RHEB: variants seen among roughly 807,000 people sequenced by gnomAD.
RHEB encodes GTP-binding protein Rheb.
Under a neutral mutation model 28.8 loss-of-function variants are expected in RHEB, and 2 were observed. That is an observed-to-expected ratio of 0.07 (90% CI 0.03 to 0.22). The LOEUF is 0.22. RHEB is among the 10% of genes least tolerant of loss of function. The pLI is 1.00. For missense variants in RHEB, 76 were observed against 219.9 expected (o/e 0.35, Z 4.14); for synonymous variants, 69 against 77.3 (o/e 0.89, Z 0.56).
At chr7:151,503,117 A>G in intron 1 of RHEB, 1 of 813,730 alleles carries the variant, frequency 1.2e-6, no homozygotes, top group Non-Finnish European at 2.2e-6. Context: ...AGAAATTCTA[A>G]TGGTCTATGA....
At chr7:151,471,142 CTA>C (rs772282877) in intron 6 of RHEB, among the ~76,000 whole-genome samples, 1 of 152,226 alleles carries the variant, frequency 6.6e-6, no homozygotes, top group Non-Finnish European at 1.5e-5. Flanking sequence ...TAAATGAGCA[CTA>C]TGTCTTTTTA....
chr7:151,473,740 T>A (rs1337166289), intron 4 of RHEB, among the ~76,000 whole-genome samples: 1 of 151,206 alleles, frequency 6.6e-6, no homozygotes, highest in Non-Finnish European at 1.5e-5. Flanking sequence ...ACAGCCCCAT[T>A]TGTTCCCAAA....
chr7:151,499,929 C>T (rs1370213423), intron 1 of RHEB, among the ~76,000 whole-genome samples: 1 of 152,180 alleles, frequency 6.6e-6, no homozygotes, highest in Non-Finnish European at 1.5e-5. Flanking sequence ...TTGTCTCAGC[C>T]TCCCAAGTAG....
At chr7:151,502,081 CA>C (rs1802782552) in intron 1 of RHEB, 1 of 403,738 alleles carries the variant, frequency 2.5e-6, no homozygotes, top group East Asian at 5.6e-5. Flanking sequence ...ACTAAAAATA[CA>C]AAAATTAGCT....
At chr7:151,487,512 A>G (rs567168723) in intron 2 of RHEB, among the ~76,000 whole-genome samples, 2 of 150,126 alleles carry the variant, frequency 1.3e-5, no homozygotes, top group African/African-American at 5.0e-5. Context: ...GTCATTGTAC[A>G]TAGTGTATAA....
At chr7:151,497,994 G>T in intron 1 of RHEB, 1 of 593,720 alleles carries the variant, frequency 1.7e-6, no homozygotes, top group South Asian at 1.5e-5. Flanking sequence ...ACTCTTGCTG[G>T]ATGCTGCAGT....
chr7:151,515,531 A>G (rs942776002), intron 1 of RHEB, among the ~76,000 whole-genome samples: 2 of 152,232 alleles, frequency 1.3e-5, no homozygotes, highest in African/African-American at 4.8e-5. Context: ...TCAAGTTTCA[A>G]TACAAAGTGG....
intron 2 of RHEB, among the ~76,000 whole-genome samples, chr7:151,488,491 T>C (rs1028730801): frequency 3.3e-5 from 5 of 152,264 alleles, no homozygotes; most frequent in African/African-American, 1.2e-4. Flanking sequence ...AACAAGTTCA[T>C]GATAACCTTT....
intron 2 of RHEB, among the ~76,000 whole-genome samples, chr7:151,489,560 G>A (rs560042344): frequency 1.3e-5 from 2 of 152,196 alleles, no homozygotes; most frequent in East Asian, 1.9e-4. Context: ...TATTTTAAGC[G>A]AGGGGTGAGC....
intron 4 of RHEB, among the ~76,000 whole-genome samples, chr7:151,473,119 G>A (rs994217530): frequency 1.3e-5 from 2 of 152,190 alleles, no homozygotes; most frequent in African/African-American, 2.4e-5. Context: ...AGTGACGTGC[G>A]TCTAATGAAC....
intron 1 of RHEB, among the ~76,000 whole-genome samples, chr7:151,515,068 CAA>C (rs10711342): frequency 5.0e-5 from 7 of 140,386 alleles, no homozygotes; most frequent in African/African-American, 1.6e-4. Flanking sequence ...AAATAATAGC[CAA>C]AAAAAAAAAG....
chr7:151,506,570 T>C (rs571002375), intron 1 of RHEB, among the ~76,000 whole-genome samples: 1 of 152,300 alleles, frequency 6.6e-6, no homozygotes, highest in Admixed American at 6.5e-5. Context: ...ATACTATTAG[T>C]AACTGCTCTT....
At chr7:151,516,622 CAAAAAA>C (rs551863062) in intron 1 of RHEB, among the ~76,000 whole-genome samples, 1 of 91,978 alleles carries the variant, frequency 1.1e-5, no homozygotes, top group Non-Finnish European at 2.1e-5. Flanking sequence ...GACTCTGTCA[CAAAAAA>C]AAAAAAAAAA....
intron 1 of RHEB, among the ~76,000 whole-genome samples, chr7:151,507,741 A>C (rs1041317264): frequency 3.3e-5 from 5 of 152,234 alleles, no homozygotes; most frequent in African/African-American, 1.2e-4. Context: ...GACAAGGCAG[A>C]AAAAGTAAAA....
intron 4 of RHEB, among the ~76,000 whole-genome samples, chr7:151,474,173 GTGT>G (rs1300214686): frequency 1.6e-5 from 2 of 127,604 alleles, no homozygotes; most frequent in Admixed American, 8.4e-5. Flanking sequence ...CCTTTAACCA[GTGT>G]TGTTTTTTTG....
Position 151,466,221 on chromosome 7 carries a change from T to C in RHEB, c.*898A>G, listed in dbSNP as rs1215746477. The C allele has an allele frequency of 6.6e-6, 1 of 152,158 alleles. No individual in the cohort carries two copies. 9.4% of individuals were successfully genotyped at this position (152,158 alleles called of 1,614,324 possible). On this transcript the variant is annotated 3_prime_UTR_variant, in exon 8 of 8. Transcript: ENST00000262187. Reference sequence around the variant, plus strand: ...TGCTCCTTGGACAGAGGGAGGCCCGTCATCTGGGTCTGAAGGAGGCTCCCA... The same window carrying C: ...TGCTCCTTGGACAGAGGGAGGCCCGCCATCTGGGTCTGAAGGAGGCTCCCA...
At chr7:151,470,278 A>G in intron 7 of RHEB, 2 of 196,658 alleles carry the variant, frequency 1.0e-5, no homozygotes, top group Non-Finnish European at 2.1e-5. Flanking sequence ...TTTCTGTACC[A>G]GCTATTAATA....
chr7:151,479,821 G>A (rs894264527), intron 3 of RHEB, among the ~76,000 whole-genome samples: 13 of 151,404 alleles, frequency 8.6e-5, no homozygotes, highest in Admixed American at 8.6e-4. Flanking sequence ...TATACAAAAC[G>A]CTAATTTTCT....
At chr7:151,503,037 T>C (rs1268301434) in intron 1 of RHEB, 4 of 786,050 alleles carry the variant, frequency 5.1e-6, no homozygotes, top group South Asian at 4.0e-5. Flanking sequence ...TTTGATGAAA[T>C]CACCCAGGAC....
Sources: gnomAD v4.1 joint callset for allele counts (sites outside exome capture counted in the v4.1 genomes callset) on GRCh38, gnomAD v4.1.1 for gene constraint, MANE v1.5 for transcripts, NCBI Gene and HGNC (gene_info 2026-07-23, HGNC 2026-07-21) for gene names.